Variants in ANK3 observed in about 807,000 individuals in gnomAD.
ANK3 encodes ankyrin-3.
In ANK3, 57 loss-of-function variants were observed where a neutral mutation model predicts 370.9. That is an observed-to-expected ratio of 0.15 (90% confidence interval 0.12 to 0.19). The LOEUF is 0.19. ANK3 is among the 10% of genes least tolerant of loss of function. ANK3 has a pLI of 1.00. For synonymous variants in ANK3, 1,929 were observed against 1,946.3 expected (o/e 0.99, Z 0.23); for missense variants, 4,439 against 5,302.1 (o/e 0.84, Z 5.06).
chr10:60,660,404 C>T (rs1044015895), intron 1 of ANK3, among the ~76,000 whole-genome samples: 3 of 152,110 alleles, frequency 2.0e-5, no homozygotes, highest in African/African-American at 7.2e-5. Context: ...CTAAGTAAAA[C>T]ACCTGTCAAG....
At chr10:60,465,031 C>T (rs186155052) in intron 2 of ANK3, among the ~76,000 whole-genome samples, 3 of 152,198 alleles carry the variant, frequency 2.0e-5, no homozygotes, top group Admixed American at 6.5e-5. Flanking sequence ...TTTGGGAGGA[C>T]GAGGCAGGTG....
intron 16 of ANK3, among the ~76,000 whole-genome samples, chr10:60,191,950 C>A (rs1050155045): frequency 6.6e-6 from 1 of 151,980 alleles, no homozygotes; most frequent in Non-Finnish European, 1.5e-5. Context: ...GCTCTGTCAC[C>A]CAGGCTGGAG....
chr10:60,052,100 C>A (rs2078161873), intron 42 of ANK3, among the ~76,000 whole-genome samples: 5 of 152,144 alleles, frequency 3.3e-5, no homozygotes, highest in Non-Finnish European at 7.3e-5. Flanking sequence ...GTGGCTCACA[C>A]CTGTAATCCC....
Position 60,070,855 on chromosome 10 carries a change from T to G in ANK3, c.10026A>C (p.Glu3342Asp), listed in dbSNP as rs1307227555. ...YTFKLKEVDD[E>D]QKEKPKASAE... ...CAGAAGCTTTGGGTTTTTCTTTTTG[T>G]TCATCGTCCACTTCCTTTAATTTGA... The change falls in exon 37 of 44, where the codon GAA becomes GAC. Residue 3342 changes from glutamate (E) to aspartate (D), a missense_variant. Physicochemically the swap from Glu to Asp is conservative, Grantham distance 45. This residue lies in a region of ANK3 where 1,601 missense variants were observed against 1,731.7 expected (regional missense o/e 0.92). Coordinates refer to ENST00000280772, the MANE Select transcript of ANK3 (RefSeq NM_020987.5). The surrounding 1 kb of genome is among the most constrained non-coding windows in gnomAD (Gnocchi z 5.7). 1 of 1,614,146 alleles carries G rather than the reference T, an allele frequency of 6.2e-7. No individual in the cohort carries two copies. The highest frequency in any genetic ancestry group is 1.7e-5 in the Admixed American group (1 of 59,998).
intron 1 of ANK3, among the ~76,000 whole-genome samples, chr10:60,319,251 C>T (rs992919785): frequency 6.6e-6 from 1 of 152,184 alleles, no homozygotes; most frequent in Non-Finnish European, 1.5e-5. Context: ...ATTTGATCAT[C>T]ACTAGTACCT....
chr10:60,030,363 C>G (rs2073169040), intron 43 of ANK3, among the ~76,000 whole-genome samples: 1 of 152,012 alleles, frequency 6.6e-6, no homozygotes, highest in African/African-American at 2.4e-5. Context: ...AGGATGGTCT[C>G]GATCTCCTGA....
chr10:60,473,448 A>G (rs2065264349), intron 2 of ANK3, among the ~76,000 whole-genome samples: 1 of 152,206 alleles, frequency 6.6e-6, no homozygotes, highest in Non-Finnish European at 1.5e-5. Context: ...CTATATTCAA[A>G]TGCAAGAGTA....
chr10:60,509,402 T>G (rs187024201), intron 2 of ANK3, among the ~76,000 whole-genome samples: 2 of 152,240 alleles, frequency 1.3e-5, no homozygotes, highest in East Asian at 3.9e-4. Flanking sequence ...GTATCCTCAT[T>G]TTTTTTGTAA....
At chr10:60,206,721 T>G (rs7093624) in intron 10 of ANK3, among the ~76,000 whole-genome samples, 5,896 of 152,346 alleles carry the variant, frequency 0.039, 364 homozygotes, top group African/African-American at 0.13. Context: ...TGAATCATTT[T>G]GTTTACTATT....
intron 1 of ANK3, among the ~76,000 whole-genome samples, chr10:60,346,919 T>TTTTATTGTTGATAAAA (rs2055662203): frequency 1.3e-5 from 2 of 150,482 alleles, no homozygotes; most frequent in Non-Finnish European, 1.5e-5. Context: ...GTTTAGGCCC[T>TTTTATTGTTGATAAAA]GATATTCTAT....
chr10:60,189,005 T>C (rs138736940), intron 16 of ANK3, among the ~76,000 whole-genome samples: 243 of 152,170 alleles, frequency 1.6e-3, no homozygotes, highest in African/African-American at 5.5e-3. Flanking sequence ...CTACTTCGAG[T>C]GGTAAAGGCA....
chr10:60,419,687 G>A (rs1406950451), intron 2 of ANK3, among the ~76,000 whole-genome samples: 1 of 152,116 alleles, frequency 6.6e-6, no homozygotes, highest in Non-Finnish European at 1.5e-5. Flanking sequence ...ACCTAAGCCT[G>A]CCTTCTGATT....
intron 40 of ANK3, chr10:60,060,065 C>T (rs1050500118): frequency 3.0e-6 from 4 of 1,323,490 alleles, no homozygotes; most frequent in Non-Finnish European, 4.1e-6. Context: ...CAAACAAAAA[C>T]ACATGGAATG....
chr10:60,594,029 T>A (rs2077953413), intron 2 of ANK3, among the ~76,000 whole-genome samples: 1 of 152,178 alleles, frequency 6.6e-6, no homozygotes, highest in South Asian at 2.1e-4. Flanking sequence ...CCTACATCAT[T>A]GCACTGGGCA....
chr10:60,171,785 T>C (rs957194978), intron 21 of ANK3, among the ~76,000 whole-genome samples: 3 of 152,212 alleles, frequency 2.0e-5, no homozygotes, highest in African/African-American at 7.2e-5. Flanking sequence ...TTGTGTTTCT[T>C]ATGAAAACTC....
chr10:60,392,990 G>A (rs896951066), upstream of ANK3, among the ~76,000 whole-genome samples: 9 of 152,010 alleles, frequency 5.9e-5, no homozygotes, highest in African/African-American at 2.2e-4. Flanking sequence ...ATTCTTAAGT[G>A]ACTTCCCTTT....
chr10:60,445,485 T>TA lies in ANK3; in HGVS notation c.97-165847dup, dbSNP rs72114286. Among the ~76,000 whole-genome samples the TA allele has an allele frequency of 8.4e-3, 1,251 of 148,162 alleles. 17 individuals are homozygous for TA. Among genetic ancestry groups the TA allele is most frequent in the African/African-American group, 0.028 (1,138 of 40,396 alleles). The stretch of plus-strand genomic sequence containing the variant: ...AGTTATTAAGCTGACAATAGTGATT[T>TA]AAAAAAAAAAATCAGGGCTCCAGGA... On this transcript the variant is annotated intron_variant, in intron 2 of 43. Coordinates refer to the ANK3 transcript ENST00000373827.
At chr10:60,129,047 T>A (rs1292331173) in intron 25 of ANK3, among the ~76,000 whole-genome samples, 1 of 152,224 alleles carries the variant, frequency 6.6e-6, no homozygotes, top group African/African-American at 2.4e-5. Context: ...CCTTTATTTA[T>A]TAAATCCTAT....
At chr10:60,506,663 T>C (rs1394339682) in intron 2 of ANK3, among the ~76,000 whole-genome samples, 1 of 152,070 alleles carries the variant, frequency 6.6e-6, no homozygotes, top group Non-Finnish European at 1.5e-5. Flanking sequence ...TATTTGAAAC[T>C]AGTAGTATGA....
Sources: allele counts gnomAD v4.1 joint callset (sites outside exome capture counted in the v4.1 genomes callset), GRCh38; gene constraint gnomAD v4.1.1; regional missense constraint gnomAD v4.1.1; non-coding constraint Gnocchi (gnomAD v3.1); transcripts MANE v1.5; gene names NCBI Gene and HGNC (gene_info 2026-07-23, HGNC 2026-07-21).